Variants in TPRN observed in about 807,000 individuals in gnomAD.
TPRN encodes chromosome 9 open reading frame 75.
In TPRN, 32 loss-of-function variants were observed where a neutral mutation model predicts 42.6. The observed-to-expected ratio is 0.75, with a 90% confidence interval of 0.57 to 1.01. The LOEUF is 1.01. Ranked by LOEUF, TPRN falls within the 50% of genes least tolerant of loss-of-function variation. The probability of loss-of-function intolerance (pLI) is 0.00; values close to 1 mark genes in which losing one functional copy is unlikely to be tolerated. For synonymous variants in TPRN, 541 were observed against 445.6 expected, an observed-to-expected ratio of 1.21 and a Z score of -2.70; for missense variants, 1,095 against 957.5, an observed-to-expected ratio of 1.14 and a Z score of -1.90.
chr9:137,199,015 A>C lies in TPRN; in HGVS notation c.1697T>G (p.Leu566Arg). ...CTTTCTTGAGGAGCCAGCCTTGGTG[A>C]GGCAGGACTTCTGCAGGGCCAGGTA... Reference protein sequence around the residue: ...GGYLALQKSCLTKAGSSRKKM... With the variant: ...GGYLALQKSCRTKAGSSRKKM... The change falls in exon 1 of 4, where the codon CTC becomes CGC. Residue 566 changes from leucine to arginine, a missense_variant. Transcript: ENST00000409012. 6.2e-7 allele frequency: 1 copy of C among 1,613,040 alleles called. No individual in the cohort carries two copies.
At position 137,199,566 on chromosome 9, in the gene TPRN, C is replaced by G; in HGVS notation, c.1146G>C (p.Gly382=). The change falls in exon 1 of 4, where the codon GGG becomes GGC. Residue 382 remains glycine, a synonymous_variant. Transcript: ENST00000409012. ...GTGCCTCGACCTCCAGGGGGCTCTTCCCGAGGGCAGGCGCACCATCCCCTC... is the reference window on the plus strand; with the variant it reads ...GTGCCTCGACCTCCAGGGGGCTCTTGCCGAGGGCAGGCGCACCATCCCCTC... ...VPGGDGAPAL[G]KSPLEVEAQW... 1 of 1,557,942 alleles carries G rather than the reference C, an allele frequency of 6.4e-7. No individual in the cohort carries two copies.
In TPRN at chr9:137,200,195, C is replaced by CCGCGGGCGGGGGCCGGGGCGG. The variant is rs1201109957; in HGVS notation, c.496_516dup (p.Pro166_Ala172dup). On this transcript the variant is annotated inframe_insertion, in exon 1 of 4. Transcript: ENST00000409012. The surrounding 1 kb of genome is among the most constrained non-coding windows in gnomAD (Gnocchi z 4.3). Reference sequence around the variant, plus strand: ...CCGGGCGCGGCGGGCGGGCTGGGGGCCGCGGGCGGGGGCCGGGGCGGCGCG... The same window carrying CCGCGGGCGGGGGCCGGGGCGG: ...CCGGGCGCGGCGGGCGGGCTGGGGGCCGCGGGCGGGGGCCGGGGCGGCGCGGGCGGGGGCCGGGGCGGCGCG... 6 of 964,382 alleles carry CCGCGGGCGGGGGCCGGGGCGG rather than the reference C, an allele frequency of 6.2e-6. No homozygotes were observed. The East Asian group carries it at 4.8e-4, about 77-fold the overall frequency. The allele number at this position is 964,382 out of a possible 1,614,324, so 59.7% of individuals were successfully genotyped here. A position where few individuals can be genotyped will look rare whatever the true frequency, so the allele number is the denominator to read the frequency against.
chr9:137,198,014 G>A (rs1049447858), intron 1 of TPRN, among the ~76,000 whole-genome samples: 2 of 152,196 alleles, frequency 1.3e-5, no homozygotes, highest in African/African-American at 4.8e-5. Context: ...TATCTGCTGA[G>A]GGAGCCTGCA....
At position 137,191,771 on chromosome 9, in the gene TPRN, G is replaced by C. The variant is rs1220787338; in HGVS notation, c.*341C>G. On this transcript the variant is annotated 3_prime_UTR_variant, in exon 4 of 4. Coordinates refer to ENST00000409012, the MANE Select transcript of TPRN (RefSeq NM_001128228.3). Reference sequence around the variant, plus strand: ...CACCCCGACACCCCATGGCCACTGTGAGGCAGGCTGAGGAGACAGGACAGG... The same window carrying C: ...CACCCCGACACCCCATGGCCACTGTCAGGCAGGCTGAGGAGACAGGACAGG... 1.4e-5 allele frequency: 6 copies of C among 425,434 alleles called. No homozygotes were observed. The highest frequency in any genetic ancestry group is 2.7e-5 in the Non-Finnish European group (6 of 225,478). 26.4% of individuals were successfully genotyped at this position (425,434 alleles called of 1,614,324 possible).
chr9:137,200,342 G>A lies in TPRN; in HGVS notation c.370C>T (p.Leu124=), dbSNP rs1834786811. The A allele has an allele frequency of 9.7e-7, 1 of 1,033,656 alleles. No individual in the cohort carries two copies. The highest frequency in any genetic ancestry group is 1.2e-6 in the Non-Finnish European group (1 of 866,218). The allele number at this position is 1,033,656 out of a possible 1,614,324, so 64.0% of individuals were successfully genotyped here. A position where few individuals can be genotyped will look rare whatever the true frequency, so the allele number is the denominator to read the frequency against. ...CGGCCGGGCGGCGCCCCGTACACCA[G>A]CACCTCGGCGGCGCGGATCTGCGCG... ...GAAQIRAAEV[L]VYGAPPGRVS... Residue 124 remains leucine, a synonymous_variant, in exon 1 of 4, where the codon CTG becomes TTG. Transcript: ENST00000409012. The surrounding 1 kb of genome is among the most constrained non-coding windows in gnomAD (Gnocchi z 4.3).
At chr9:137,197,720 G>A (rs1305461080) in intron 1 of TPRN, among the ~76,000 whole-genome samples, 5 of 152,192 alleles carry the variant, frequency 3.3e-5, no homozygotes. Flanking sequence ...CTGGAGGAGA[G>A]AGGCTGTGGC....
chr9:137,192,767 C>T, intron 1 of TPRN, 76 bp from the exon 2 acceptor site: 17 of 1,538,740 alleles, frequency 1.1e-5, no homozygotes, highest in East Asian at 4.5e-5. Context: ...AGGTTCAGCC[C>T]TCAGGATGAG....
intron 1 of TPRN, chr9:137,193,886 G>C (rs1391009636): frequency 6.6e-6 from 1 of 152,420 alleles, no homozygotes; most frequent in Non-Finnish European, 1.5e-5. Context: ...GCCAGGACAG[G>C]GCCAAGGGCA....
In TPRN at chr9:137,199,559, G is replaced by T. The variant is rs761993178; in HGVS notation, c.1153C>A (p.Pro385Thr). The part of the protein sequence containing the change: ...GDGAPALGKS[P>T]LEVEAQWAVE... ...GCCCACTGTGCCTCGACCTCCAGGG[G>T]GCTCTTCCCGAGGGCAGGCGCACCA... is the stretch of plus-strand genomic sequence containing the variant. Residue 385 changes from proline (P) to threonine (T), a missense_variant, in exon 1 of 4, where the codon CCC becomes ACC. Physicochemically the swap from Pro to Thr is conservative, Grantham distance 38. Transcript: ENST00000409012. The T allele has an allele frequency of 2.5e-5, 39 of 1,559,112 alleles. No individual in the cohort carries two copies. In the Middle Eastern group the frequency reaches 5.0e-4, roughly 20 times the overall value.
Position 137,200,391 on chromosome 9 carries a change from C to G in TPRN, c.321G>C (p.Pro107=). The change falls in exon 1 of 4, where the codon CCG becomes CCC. Residue 107 remains proline, a synonymous_variant. Transcript: ENST00000409012. This position sits in a 1 kb window ranked among gnomAD's most constrained non-coding sequence, Gnocchi z 4.3. ...CGGCCCCCGGGGCGGGCGGCGCGGG[C>G]GGGAAGCCGGGCACCGTCTCGATGA... ...VLIIETVPGF[P]PAPPAPGAAQ... 9.1e-7 allele frequency: 1 copy of G among 1,094,826 alleles called. No individual in the cohort carries two copies. The highest frequency in any genetic ancestry group is 2.9e-5 in the South Asian group (1 of 34,672). 67.8% of individuals were successfully genotyped at this position (1,094,826 alleles called of 1,614,324 possible).
In TPRN at chr9:137,199,981, C is replaced by G; in HGVS notation, c.731G>C (p.Gly244Ala). 6.9e-7 allele frequency: 1 copy of G among 1,449,290 alleles called. No homozygotes were observed. Among genetic ancestry groups the G allele is most frequent in the Non-Finnish European group, 9.1e-7 (1 of 1,104,828 alleles). 89.8% of individuals were successfully genotyped at this position (1,449,290 alleles called of 1,614,324 possible). ...CACCTTTGGCTTCCACTGTCCCGAC[C>G]CAGGCGGGGAGCCCGCGAGGCGGTT... ...PANRLAGSPPGSGQWKPKVES... is the reference protein window; with the variant it reads ...PANRLAGSPPASGQWKPKVES... Residue 244 changes from glycine (G) to alanine (A), a missense_variant, in exon 1 of 4, where the codon GGG becomes GCG. By Grantham distance (60) the Gly-to-Ala change is moderately conservative (BLOSUM62 0). Transcript: ENST00000409012.
In TPRN at chr9:137,192,480, T is replaced by G; in HGVS notation, c.1937A>C (p.Glu646Ala). The G allele has an allele frequency of 6.2e-7, 1 of 1,606,162 alleles. No homozygotes were observed. The stretch of plus-strand genomic sequence containing the variant: ...GCTACCCTCTGGCAGCCGAGAGCTC[T>G]CGGGTCTCACGCTGCTCACAAACGT... ...RATFVSSVRP[E>A]SSRLPEGSSG... The change falls in exon 2 of 4, where the codon GAG becomes GCG. Residue 646 changes from glutamate to alanine, a missense_variant. Coordinates refer to ENST00000409012, the MANE Select transcript of TPRN (RefSeq NM_001128228.3).
intron 1 of TPRN, among the ~76,000 whole-genome samples, chr9:137,196,986 C>T (rs1338952477): frequency 6.6e-6 from 1 of 152,212 alleles, no homozygotes; most frequent in Non-Finnish European, 1.5e-5. Flanking sequence ...GGCCTGTTTC[C>T]CAGGCTCAGC....
Position 137,192,185 on chromosome 9 carries a change from G to C in TPRN, c.2074-11C>G, listed in dbSNP as rs768970516. On this transcript the variant is annotated splice_polypyrimidine_tract_variant and intron_variant, in intron 3 of 3. Coordinates refer to ENST00000409012, the MANE Select transcript of TPRN (RefSeq NM_001128228.3). ...ACTGGCGGGTGTGAGCTGAAAGTGA[G>C]AGGACAGAATGTGGACACATGGGCT... 2 of 1,613,524 alleles carry C rather than the reference G, an allele frequency of 1.2e-6. No individual in the cohort carries two copies. Among genetic ancestry groups the C allele is most frequent in the Admixed American group, 3.3e-5 (2 of 60,036 alleles).
chr9:137,200,097 GA>G lies in TPRN; in HGVS notation c.614del (p.Phe205SerfsTer245). ...DFLQKTGSNS[F>X]TVHPRGLHRG... ...GGTGCAGACCCCGGGGGTGGACGGTGAAGGAGTTGCTGCCGGTCTTCTGGAG... is the reference window on the plus strand; with the variant it reads ...GGTGCAGACCCCGGGGGTGGACGGTGAGGAGTTGCTGCCGGTCTTCTGGAG... On this transcript the variant is annotated frameshift_variant, in exon 1 of 4. Coordinates refer to ENST00000409012, the MANE Select transcript of TPRN (RefSeq NM_001128228.3). LOFTEE classifies it high-confidence loss of function. This position sits in a 1 kb window ranked among gnomAD's most constrained non-coding sequence, Gnocchi z 4.3. 1 of 1,329,772 alleles carries G rather than the reference GA, an allele frequency of 7.5e-7. No individual in the cohort carries two copies. Among genetic ancestry groups the G allele is most frequent in the South Asian group, 2.1e-5 (1 of 47,250 alleles). The allele number at this position is 1,329,772 out of a possible 1,614,324, so 82.4% of individuals were successfully genotyped here. A position where few individuals can be genotyped will look rare whatever the true frequency, so the allele number is the denominator to read the frequency against.
At position 137,200,304 on chromosome 9, in the gene TPRN, T is replaced by A. The variant is rs1271705553; in HGVS notation, c.408A>T (p.Leu136=). The change falls in exon 1 of 4, where the codon CTA becomes CTT. Residue 136 remains leucine (L), a synonymous_variant. Transcript: ENST00000409012. This position sits in a 1 kb window ranked among gnomAD's most constrained non-coding sequence, Gnocchi z 4.3. The part of the protein sequence containing the change: ...YGAPPGRVSR[L]LERFDPPAAP... The stretch of plus-strand genomic sequence containing the variant: ...CGGCGGGCGGGTCGAACCTCTCCAG[T>A]AGGCGGCTGACGCGGCCGGGCGGCG... 1.0e-6 allele frequency: 1 copy of A among 990,038 alleles called. No individual in the cohort carries two copies. The highest frequency in any genetic ancestry group is 1.9e-5 in the African/African-American group (1 of 53,486). The allele number at this position is 990,038 out of a possible 1,614,324, so 61.3% of individuals were successfully genotyped here.
rs893332648 is a variant in TPRN at position 137,193,048 on chromosome 9, T to G, written c.1726-357A>C. 2.1e-4 allele frequency: 67 copies of G among 320,922 alleles called. 1 individual carries two copies. Among genetic ancestry groups the G allele is most frequent in the African/African-American group, 1.4e-3 (64 of 47,126 alleles). 19.9% of individuals were successfully genotyped at this position (320,922 alleles called of 1,614,324 possible). A position where few individuals can be genotyped will look rare whatever the true frequency, so the allele number is the denominator to read the frequency against. The stretch of plus-strand genomic sequence containing the variant: ...GGCAGAGTGCCAGCTGGGGGGAAAC[T>G]GGGGTGGACACATCCCCTCCCACCA... On this transcript the variant is annotated intron_variant, in intron 1 of 3. Coordinates refer to ENST00000409012, the MANE Select transcript of TPRN (RefSeq NM_001128228.3).
Position 137,200,132 on chromosome 9 carries a change from T to TGCGCCGG in TPRN, c.573_579dup (p.Ser194ProfsTer38). The TGCGCCGG allele has an allele frequency of 8.1e-7, 1 of 1,227,410 alleles. No homozygotes were observed. The highest frequency in any genetic ancestry group is 1.0e-6 in the Non-Finnish European group (1 of 986,888). 76.0% of individuals were successfully genotyped at this position (1,227,410 alleles called of 1,614,324 possible). ...CTGCCGGTCTTCTGGAGGAAGTCGC[T>TGCGCCGG]GCGCCGGGCCCCGGGGCTCGCCCCG... On this transcript the variant is annotated frameshift_variant, in exon 1 of 4. Transcript: ENST00000409012. LOFTEE classifies it high-confidence loss of function. This position sits in a 1 kb window ranked among gnomAD's most constrained non-coding sequence, Gnocchi z 4.3.
At chr9:137,196,950 C>T (rs1834713449) in intron 1 of TPRN, among the ~76,000 whole-genome samples, 1 of 152,208 alleles carries the variant, frequency 6.6e-6, no homozygotes, top group Non-Finnish European at 1.5e-5. Context: ...CAGGCTGGCC[C>T]GAGCTCCTCC....
Sources: gnomAD v4.1 joint callset for allele counts (sites outside exome capture counted in the v4.1 genomes callset) on GRCh38, gnomAD v4.1.1 for gene constraint, Gnocchi (gnomAD v3.1) non-coding constraint, MANE v1.5 for transcripts, NCBI Gene and HGNC (gene_info 2026-07-23, HGNC 2026-07-21) for gene names.